Variants in POLK observed in about 807,000 individuals in gnomAD.
POLK encodes the protein polymerase (DNA directed) kappa.
POLK carries 76 observed loss-of-function variants against 94.0 expected under a neutral mutation model. The ratio of observed to expected loss-of-function variants is 0.81; its 90% CI spans 0.67 to 0.98. The LOEUF (loss-of-function observed/expected upper bound fraction) is 0.98, where lower values mean the gene tolerates loss of function less well. POLK is among the 50% of genes least tolerant of loss of function. The pLI is 0.00. For missense variants in POLK, 954 were observed against 1,010.1 expected, an observed-to-expected ratio of 0.94 and a Z score of 0.75; for synonymous variants, 349 against 325.4, an observed-to-expected ratio of 1.07 and a Z score of -0.78.
intron 1 of POLK, among the ~76,000 whole-genome samples, chr5:75,543,622 A>G (rs1324156067): frequency 6.6e-6 from 1 of 152,228 alleles, no homozygotes; most frequent in African/African-American, 2.4e-5. Flanking sequence ...GACTGGTGCT[A>G]TAAACCTGTA....
intron 1 of POLK, among the ~76,000 whole-genome samples, chr5:75,513,196 C>T: frequency 6.6e-6 from 1 of 152,144 alleles, no homozygotes; most frequent in East Asian, 1.9e-4. Flanking sequence ...ATCTTGCTTT[C>T]TTTTACTTTC....
chr5:75,594,787 CACT>C (rs1443274487), intron 12 of POLK, among the ~76,000 whole-genome samples: 2 of 152,166 alleles, frequency 1.3e-5, no homozygotes, highest in East Asian at 3.8e-4. Flanking sequence ...CATCTCCAGC[CACT>C]ACATGGTAAA....
chr5:75,597,311 T>C (rs1773145265), intron 13 of POLK, 133 bp downstream of exon 13: 1 of 615,694 alleles, frequency 1.6e-6, no homozygotes, highest in Admixed American at 2.8e-5. Context: ...TAGGGAAATG[T>C]TGGTTACATT....
In POLK at chr5:75,521,769, T is replaced by G. The variant is rs188954314; in HGVS notation, c.-14+9855T>G. ...CTTTGTAACTTACCTGTTGAATTTC[T>G]TTTTTTTTTTCTGCTAGGTCACTCT... On this transcript the variant is annotated intron_variant, in intron 1 of 14. Transcript: ENST00000241436. Among the ~76,000 whole-genome samples, 315 of 66,520 alleles carry G rather than the reference T, an allele frequency of 4.7e-3. 1 individual carries two copies. In the East Asian group the frequency reaches 0.052, roughly 11 times the overall value. 43.6% of individuals were successfully genotyped at this position (66,520 alleles called of 152,430 possible).
chr5:75,533,024 C>T (rs1361963865), intron 1 of POLK, among the ~76,000 whole-genome samples: 1 of 152,054 alleles, frequency 6.6e-6, no homozygotes, highest in Non-Finnish European at 1.5e-5. Flanking sequence ...AATTTTCTCC[C>T]GTTCTGTAGG....
At chr5:75,524,409 C>T (rs1025796767) in intron 1 of POLK, among the ~76,000 whole-genome samples, 9 of 152,104 alleles carry the variant, frequency 5.9e-5, no homozygotes, top group Admixed American at 2.0e-4. Context: ...TGGCTGCTCT[C>T]CTCTCTTAGG....
intron 13 of POLK, 28 bp from the exon 14 acceptor site, chr5:75,597,719 G>T: frequency 1.5e-6 from 2 of 1,333,124 alleles, no homozygotes; most frequent in East Asian, 5.0e-5. Flanking sequence ...ATTCATTATG[G>T]AATTTCTTGA....
exon 2 of POLK, chr5:75,547,054 A>G: frequency 6.5e-7 from 1 of 1,531,466 alleles, no homozygotes; most frequent in Non-Finnish European, 8.9e-7. Flanking sequence ...TGTGACAGTT[A>G]CAAAGATGAT....
chr5:75,544,185 G>T (rs777401454), intron 1 of POLK, among the ~76,000 whole-genome samples: 17 of 152,080 alleles, frequency 1.1e-4, no homozygotes, highest in Non-Finnish European at 1.9e-4. Flanking sequence ...TGAAGAGTAG[G>T]CATTCAATAA....
In POLK at chr5:75,549,425, C is replaced by T. The variant is rs143119489; in HGVS notation, c.135+2268C>T. ...CATACTTTATAATAAGCCTTGATAT[C>T]TGCTAGCACAATTTCTTTTTTTTTA... On this transcript the variant is annotated intron_variant, in intron 2 of 14. Transcript: ENST00000241436. Among the ~76,000 whole-genome samples, 4 of 152,028 alleles carry T rather than the reference C, an allele frequency of 2.6e-5. No individual in the cohort carries two copies. The East Asian group carries it at 7.7e-4, about 29-fold the overall frequency.
chr5:75,525,555 AAT>A (rs1448505298), intron 1 of POLK, among the ~76,000 whole-genome samples: 4 of 152,200 alleles, frequency 2.6e-5, no homozygotes, highest in African/African-American at 7.2e-5. Flanking sequence ...GCAAAGGAGT[AAT>A]AACAGGAGTA....
At chr5:75,573,901 T>C in intron 5 of POLK, 32 bp downstream of exon 5, 1 of 1,608,102 alleles carries the variant, frequency 6.2e-7, no homozygotes, top group African/African-American at 1.3e-5. Context: ...ACTTTAGGCT[T>C]TCACTGAGTT....
chr5:75,602,935 G>A (rs1773329368), downstream of POLK, among the ~76,000 whole-genome samples: 3 of 152,174 alleles, frequency 2.0e-5, no homozygotes, highest in Non-Finnish European at 2.9e-5. Flanking sequence ...TGTGGTATCC[G>A]CAAGGTCAGT....
chr5:75,569,608 G>C, intron 4 of POLK, 116 bp downstream of exon 4: 1 of 881,030 alleles, frequency 1.1e-6, no homozygotes. Context: ...TATTTTTCTG[G>C]GTGCCTTATA....
At chr5:75,581,365 T>C (rs1220725716) in exon 7 of POLK, 1 of 1,613,742 alleles carries the variant, frequency 6.2e-7, no homozygotes, top group Non-Finnish European at 8.5e-7. Flanking sequence ...CAAAACTCAG[T>C]TGTTTTTGGA....
intron 2 of POLK, 50 bp downstream of exon 2, chr5:75,547,207 T>A (rs1770070942): frequency 1.0e-6 from 1 of 1,000,436 alleles, no homozygotes; most frequent in South Asian, 3.0e-5. Flanking sequence ...CCTTTTAACT[T>A]TCTGTTTCAA....
intron 8 of POLK, among the ~76,000 whole-genome samples, chr5:75,583,666 A>C (rs1772317243): frequency 6.6e-6 from 1 of 152,168 alleles, no homozygotes. Context: ...ACTGCCAAGG[A>C]GAAGGGAAAT....
chr5:75,569,228 GGTGT>G, intron 3 of POLK, 108 bp from the exon 4 acceptor site: 1 of 675,454 alleles, frequency 1.5e-6, no homozygotes, highest in Non-Finnish European at 2.5e-6. Context: ...TGGATGAATG[GGTGT>G]GTGGACAGAG....
At chr5:75,511,329 G>C, upstream of POLK, 1 of 1,546,932 alleles carries the variant, frequency 6.5e-7, no homozygotes, top group Non-Finnish European at 8.7e-7. Context: ...CTCCGGTGTG[G>C]GGGGGAGCAG....
Sources: gnomAD v4.1 joint callset for allele counts (sites outside exome capture counted in the v4.1 genomes callset) on GRCh38, gnomAD v4.1.1 for gene constraint, MANE v1.5 for transcripts, NCBI Gene and HGNC (gene_info 2026-07-23, HGNC 2026-07-21) for gene names.